The following KIAA1217 variants were observed in gnomAD, a reference collection of about 807,000 sequenced individuals.
KIAA1217 encodes the protein KIAA1217.
In KIAA1217, 88 loss-of-function variants were observed where a neutral mutation model predicts 163.9. The observed-to-expected ratio is 0.54, with a 90% CI of 0.45 to 0.64. KIAA1217 has a LOEUF of 0.64. KIAA1217 is among the 30% of genes least tolerant of loss of function. KIAA1217 has a pLI of 0.00. For missense variants in KIAA1217, 2,372 were observed against 2,475.0 expected (o/e 0.96, Z 0.88); for synonymous variants, 903 against 923.1 (o/e 0.98, Z 0.39).
At chr10:24,011,145 C>A (rs1312745265) in intron 2 of KIAA1217, among the ~76,000 whole-genome samples, 2 of 152,062 alleles carry the variant, frequency 1.3e-5, no homozygotes, top group Non-Finnish European at 2.9e-5. Flanking sequence ...TCATGAGTAG[C>A]ATTACCTATG....
chr10:24,445,402 T>G (rs1317740650), intron 5 of KIAA1217, among the ~76,000 whole-genome samples: 1 of 152,186 alleles, frequency 6.6e-6, no homozygotes, highest in Non-Finnish European at 1.5e-5. Flanking sequence ...ATTATTATAC[T>G]TTAAGTTTTA....
At chr10:23,944,054 A>G (rs1843904050) in intron 1 of KIAA1217, among the ~76,000 whole-genome samples, 1 of 152,234 alleles carries the variant, frequency 6.6e-6, no homozygotes, top group Non-Finnish European at 1.5e-5. Flanking sequence ...AAAAGCTCTA[A>G]ATGTAAAAGA....
intron 5 of KIAA1217, among the ~76,000 whole-genome samples, chr10:24,463,298 A>G (rs1454154729): frequency 6.6e-6 from 1 of 152,236 alleles, no homozygotes; most frequent in Non-Finnish European, 1.5e-5. Flanking sequence ...CTGGTCAGCC[A>G]GGTCTGGCCA....
intron 2 of KIAA1217, among the ~76,000 whole-genome samples, chr10:24,298,961 C>A (rs1201662859): frequency 6.6e-6 from 1 of 152,172 alleles, no homozygotes; most frequent in Non-Finnish European, 1.5e-5. Context: ...GTGCTCTTCT[C>A]TTCAACTTTC....
chr10:24,222,776 C>T (rs1311871007), intron 2 of KIAA1217, among the ~76,000 whole-genome samples: 1 of 152,190 alleles, frequency 6.6e-6, no homozygotes, highest in African/African-American at 2.4e-5. Flanking sequence ...TCCCAAAGTG[C>T]TGGGATCACA....
chr10:24,207,282 T>TCTCACA (rs529791287), upstream of KIAA1217, among the ~76,000 whole-genome samples: 32 of 140,236 alleles, frequency 2.3e-4, no homozygotes, highest in Non-Finnish European at 2.9e-4. Flanking sequence ...TCTCTCTCTC[T>TCTCACA]CACACACACA....
intron 2 of KIAA1217, among the ~76,000 whole-genome samples, chr10:24,070,353 G>A (rs1564663923): frequency 1.3e-5 from 2 of 150,934 alleles, no homozygotes; most frequent in South Asian, 4.2e-4. Context: ...AAAATACATT[G>A]AAAAAAATGA....
chr10:24,003,102 G>A (rs567133143), intron 1 of KIAA1217, among the ~76,000 whole-genome samples: 10 of 152,158 alleles, frequency 6.6e-5, no homozygotes, highest in Non-Finnish European at 1.2e-4. Flanking sequence ...GAATTGTGCT[G>A]CTATAAACAT....
intron 2 of KIAA1217, among the ~76,000 whole-genome samples, chr10:24,246,384 C>T (rs974012022): frequency 1.4e-4 from 22 of 152,158 alleles, no homozygotes; most frequent in African/African-American, 5.3e-4. Flanking sequence ...CATGTGGGAA[C>T]GAATCTGAAG....
intron 2 of KIAA1217, among the ~76,000 whole-genome samples, chr10:24,070,436 G>C (rs1018275946): frequency 4.3e-4 from 66 of 152,198 alleles, no homozygotes; most frequent in African/African-American, 1.5e-3. Flanking sequence ...TCTATACGTA[G>C]GTTTATCATC....
intron 2 of KIAA1217, among the ~76,000 whole-genome samples, chr10:24,356,500 T>G (rs140356606): frequency 1.5e-4 from 23 of 152,254 alleles, no homozygotes; most frequent in African/African-American, 5.5e-4. Context: ...GCCAAGGATG[T>G]TAGGAGGTTG....
At chr10:23,766,479 C>T (rs981386123) in intron 1 of KIAA1217, among the ~76,000 whole-genome samples, 5 of 151,970 alleles carry the variant, frequency 3.3e-5, no homozygotes, top group Non-Finnish European at 7.4e-5. Context: ...TGTCATTTGA[C>T]TCTGGAGCTG....
At chr10:24,123,289 T>G (rs553781349) in intron 2 of KIAA1217, among the ~76,000 whole-genome samples, 11 of 152,218 alleles carry the variant, frequency 7.2e-5, no homozygotes, top group African/African-American at 2.6e-4. Flanking sequence ...ACATTCAACA[T>G]TATTTTGGGC....
At chr10:23,874,971 A>G (rs1041982910) in intron 1 of KIAA1217, among the ~76,000 whole-genome samples, 2 of 152,026 alleles carry the variant, frequency 1.3e-5, no homozygotes, top group Non-Finnish European at 2.9e-5. Context: ...GTCATGGTGG[A>G]AGACAAAGGA....
At chr10:24,164,816 C>A (rs1278806706) in intron 2 of KIAA1217, among the ~76,000 whole-genome samples, 1 of 151,990 alleles carries the variant, frequency 6.6e-6, no homozygotes, top group Non-Finnish European at 1.5e-5. Flanking sequence ...CAGTTGTGCC[C>A]CAGGAAGAAA....
At chr10:23,838,929 G>A (rs1740480655) in intron 1 of KIAA1217, among the ~76,000 whole-genome samples, 1 of 151,876 alleles carries the variant, frequency 6.6e-6, no homozygotes, top group Non-Finnish European at 1.5e-5. Context: ...GCACCTGCAG[G>A]GCTACCAATT....
chr10:23,930,633 G>C (rs1463630174), intron 1 of KIAA1217, among the ~76,000 whole-genome samples: 1 of 152,202 alleles, frequency 6.6e-6, no homozygotes, highest in African/African-American at 2.4e-5. Context: ...GGCAATATGA[G>C]AAGTGAGTTA....
At chr10:24,359,038 A>C (rs946198874) in intron 2 of KIAA1217, among the ~76,000 whole-genome samples, 1 of 140,122 alleles carries the variant, frequency 7.1e-6, no homozygotes, top group Admixed American at 7.1e-5. Flanking sequence ...GTTCATTCTA[A>C]TACTTTCTTT....
intron 5 of KIAA1217, among the ~76,000 whole-genome samples, chr10:24,456,767 A>T (rs1434858707): frequency 6.8e-6 from 1 of 148,032 alleles, no homozygotes; most frequent in Admixed American, 6.8e-5. Context: ...CAATGGTGTG[A>T]TCTCAGCTCA....
Sources: gnomAD v4.1 joint callset for allele counts (sites outside exome capture counted in the v4.1 genomes callset) on GRCh38, gnomAD v4.1.1 for gene constraint, MANE v1.5 for transcripts, NCBI Gene and HGNC (gene_info 2026-07-23, HGNC 2026-07-21) for gene names.